Variants in CEP63 observed in about 807,000 individuals in gnomAD.
The protein encoded by CEP63 is centrosomal protein of 63 kDa.
CEP63 carries 84 observed loss-of-function variants against 89.1 expected under a neutral mutation model. The observed-to-expected ratio is 0.94, with a 90% CI of 0.79 to 1.13. The LOEUF is 1.13. Ranked by LOEUF, CEP63 falls within the 50% of genes most tolerant of loss-of-function variation. The pLI is 0.00. For synonymous variants in CEP63, 267 were observed against 272.5 expected, an observed-to-expected ratio of 0.98 and a Z score of 0.20; for missense variants, 838 against 813.3, an observed-to-expected ratio of 1.03 and a Z score of -0.37.
chr3:134,777,444 C>T, the CEP63 span, among the ~76,000 whole-genome samples: 1 of 152,068 alleles, frequency 6.6e-6, no homozygotes, highest in South Asian at 2.1e-4. Context: ...TATATACTCA[C>T]CTCATTTTTC....
the CEP63 span, among the ~76,000 whole-genome samples, chr3:134,694,232 A>G: frequency 2.0e-5 from 3 of 152,104 alleles, no homozygotes; most frequent in Non-Finnish European, 4.4e-5. Flanking sequence ...AGGCACCCCC[A>G]TGCTCAATGC....
At chr3:134,730,015 C>T in the CEP63 span, among the ~76,000 whole-genome samples, 261 of 152,290 alleles carry the variant, frequency 1.7e-3, no homozygotes, top group African/African-American at 6.0e-3. Context: ...CATTTCTAAC[C>T]CTTCTCAGGC....
the CEP63 span, among the ~76,000 whole-genome samples, chr3:134,699,061 G>A: frequency 6.6e-6 from 1 of 152,170 alleles, no homozygotes; most frequent in Non-Finnish European, 1.5e-5. Context: ...AGTGGGCTGG[G>A]GCCAAATTCA....
intron 1 of CEP63, among the ~76,000 whole-genome samples, chr3:134,488,411 A>G (rs1219368913): frequency 1.3e-5 from 2 of 152,028 alleles, no homozygotes. Flanking sequence ...GTTTGAGACC[A>G]GTGTGGCCAA....
At chr3:134,491,511 G>T (rs1451208411) in intron 1 of CEP63, among the ~76,000 whole-genome samples, 1 of 152,102 alleles carries the variant, frequency 6.6e-6, no homozygotes, top group Non-Finnish European at 1.5e-5. Flanking sequence ...CTTTGCTTAT[G>T]GCACTTTTTC....
the CEP63 span, among the ~76,000 whole-genome samples, chr3:134,652,289 G>A: frequency 6.6e-6 from 1 of 152,164 alleles, no homozygotes; most frequent in Non-Finnish European, 1.5e-5. Flanking sequence ...TTTTAAGGGT[G>A]AGGAAAGGGA....
the CEP63 span, among the ~76,000 whole-genome samples, chr3:134,746,061 C>T: frequency 6.5e-4 from 91 of 141,062 alleles, no homozygotes; most frequent in African/African-American, 2.1e-3. Context: ...GCTATCCCTC[C>T]TCCACCACCC....
At chr3:134,531,790 AG>A in intron 3 of CEP63, 54 bp from the exon 4 acceptor site, 1 of 1,203,616 alleles carries the variant, frequency 8.3e-7, no homozygotes, top group Admixed American at 1.7e-5. Flanking sequence ...TTTATATCTC[AG>A]GGATGTTATT....
the CEP63 span, among the ~76,000 whole-genome samples, chr3:134,688,982 C>G: frequency 7.9e-5 from 12 of 152,180 alleles, no homozygotes; most frequent in African/African-American, 2.7e-4. Flanking sequence ...TAATGATGAG[C>G]ATTGAGCCAT....
chr3:134,521,515 A>G (rs1376036084), intron 3 of CEP63, among the ~76,000 whole-genome samples: 1 of 152,206 alleles, frequency 6.6e-6, no homozygotes, highest in Non-Finnish European at 1.5e-5. Context: ...TGCTTTAAAC[A>G]CTAAAAGTCC....
the CEP63 span, among the ~76,000 whole-genome samples, chr3:134,593,858 C>T: frequency 5.3e-5 from 8 of 152,162 alleles, no homozygotes; most frequent in Non-Finnish European, 8.8e-5. Context: ...ATCAGGTTAA[C>T]GTGTTCTCTC....
chr3:134,761,908 C>G, the CEP63 span, among the ~76,000 whole-genome samples: 1,367 of 152,264 alleles, frequency 9.0e-3, 83 homozygotes, highest in East Asian at 0.17. Flanking sequence ...ACCTTTTACC[C>G]ACAACACTGG....
rs1957471639 is a variant in CEP63 at position 134,562,888 on chromosome 3, G to T, written c.*1353G>T. On this transcript the variant is annotated 3_prime_UTR_variant, in exon 15 of 15. Transcript: ENST00000675561. ...GAGGGCCCCCTAGAGCTCTGTCATGGGTTTTCTCCCTCAGCATTCTCTTCC... is the reference window on the plus strand; with the variant it reads ...GAGGGCCCCCTAGAGCTCTGTCATGTGTTTTCTCCCTCAGCATTCTCTTCC... 6.6e-6 allele frequency: 1 copy of T among 152,182 alleles called. No individual in the cohort carries two copies. The highest frequency in any genetic ancestry group is 2.4e-5 in the African/African-American group (1 of 41,406). The allele number at this position is 152,182 out of a possible 1,614,324, so 9.4% of individuals were successfully genotyped here.
intron 11 of CEP63, among the ~76,000 whole-genome samples, chr3:134,573,082 CT>C (rs1958080671): frequency 6.6e-6 from 1 of 152,138 alleles, no homozygotes; most frequent in African/African-American, 2.4e-5. Context: ...CTGTTCATCT[CT>C]TTTGCTCACT....
chr3:134,665,535 G>A, the CEP63 span, among the ~76,000 whole-genome samples: 3 of 152,154 alleles, frequency 2.0e-5, no homozygotes, highest in Non-Finnish European at 4.4e-5. Flanking sequence ...TGAGGGAGGG[G>A]CCTCCGTGAT....
chr3:134,766,457 C>A, the CEP63 span, among the ~76,000 whole-genome samples: 1 of 152,270 alleles, frequency 6.6e-6, no homozygotes, highest in Admixed American at 6.5e-5. Flanking sequence ...CCTGGGACAG[C>A]AGCTCATGGC....
At chr3:134,587,772 G>A (rs976820218) in exon 11 of CEP63, among the ~76,000 whole-genome samples, 1 of 151,372 alleles carries the variant, frequency 6.6e-6, no homozygotes, top group Non-Finnish European at 1.5e-5. Context: ...CTTCTCCATC[G>A]ATCACGCTGG....
chr3:134,596,141 G>A, the CEP63 span, among the ~76,000 whole-genome samples: 1 of 152,150 alleles, frequency 6.6e-6, no homozygotes, highest in African/African-American at 2.4e-5. Context: ...GAAGCATCAA[G>A]CTTAGGTTAT....
intron 2 of CEP63, among the ~76,000 whole-genome samples, chr3:134,500,594 A>G (rs1358925511): frequency 6.6e-6 from 1 of 152,090 alleles, no homozygotes; most frequent in Non-Finnish European, 1.5e-5. Context: ...CGCCTCACCA[A>G]CATCTGTTAT....
Sources: gnomAD v4.1 joint callset for allele counts (sites outside exome capture counted in the v4.1 genomes callset) on GRCh38, gnomAD v4.1.1 for gene constraint, MANE v1.5 for transcripts, NCBI Gene and HGNC (gene_info 2026-07-23, HGNC 2026-07-21) for gene names.